Variants in CTNND2 observed in about 807,000 individuals in gnomAD.
The protein encoded by CTNND2 is catenin delta-2.
Under a neutral mutation model 144.4 loss-of-function variants are expected in CTNND2, and 22 were observed. The ratio of observed to expected loss-of-function variants is 0.15; its 90% CI spans 0.11 to 0.22. The LOEUF (loss-of-function observed/expected upper bound fraction) is 0.22, where lower values mean the gene tolerates loss of function less well. Among genes scored for constraint, CTNND2 ranks in the 10% least tolerant of loss-of-function variants. CTNND2 has a pLI of 1.00. For missense variants in CTNND2, 1,353 were observed against 1,618.8 expected, an observed-to-expected ratio of 0.84 and a Z score of 2.82; for synonymous variants, 751 against 695.6, an observed-to-expected ratio of 1.08 and a Z score of -1.25.
intron 1 of CTNND2, among the ~76,000 whole-genome samples, chr5:11,777,564 C>T (rs1790324287): frequency 6.6e-6 from 1 of 152,162 alleles, no homozygotes; most frequent in East Asian, 1.9e-4. Context: ...TGCAGAAAAG[C>T]ACCACTCCTG....
chr5:11,451,445 A>G (rs999338019), intron 3 of CTNND2, among the ~76,000 whole-genome samples: 3 of 152,220 alleles, frequency 2.0e-5, no homozygotes, highest in Admixed American at 1.3e-4. Context: ...TAAGTAATAC[A>G]GATCAAGCAT....
At chr5:11,006,345 CGTGATGGAGATCTAGCCAAT>C (rs1554021762) in intron 18 of CTNND2, among the ~76,000 whole-genome samples, 2 of 152,192 alleles carry the variant, frequency 1.3e-5, no homozygotes, top group Non-Finnish European at 2.9e-5. Flanking sequence ...TTCACACCCA[CGTGATGGAGATCTAGCCAAT>C]GGAGGTGAGG....
chr5:11,015,296 T>C (rs1320976542), intron 18 of CTNND2, among the ~76,000 whole-genome samples: 3 of 152,248 alleles, frequency 2.0e-5, no homozygotes, highest in Non-Finnish European at 4.4e-5. Context: ...TTTTGAGCTT[T>C]GCTATTAGCA....
chr5:11,098,307 A>G (rs1751558752), intron 15 of CTNND2, among the ~76,000 whole-genome samples: 1 of 152,104 alleles, frequency 6.6e-6, no homozygotes, highest in Non-Finnish European at 1.5e-5. Flanking sequence ...CTACAAGAAT[A>G]GAATGAAAAA....
At chr5:11,451,125 G>A (rs1022135666) in intron 3 of CTNND2, among the ~76,000 whole-genome samples, 1 of 151,516 alleles carries the variant, frequency 6.6e-6, no homozygotes, top group Admixed American at 6.6e-5. Flanking sequence ...ACAACCAAAG[G>A]TATATATATA....
At chr5:11,058,682 T>C (rs915528447) in intron 16 of CTNND2, among the ~76,000 whole-genome samples, 3 of 152,240 alleles carry the variant, frequency 2.0e-5, no homozygotes, top group African/African-American at 7.2e-5. Flanking sequence ...GACACCAGAA[T>C]GGTAGATCCA....
intron 1 of CTNND2, among the ~76,000 whole-genome samples, chr5:11,822,647 T>G (rs1793377617): frequency 6.6e-6 from 1 of 152,106 alleles, no homozygotes; most frequent in Non-Finnish European, 1.5e-5. Context: ...CCCTCTCTAG[T>G]GCTGTTTGAC....
intron 9 of CTNND2, among the ~76,000 whole-genome samples, chr5:11,312,156 C>G (rs1333113714): frequency 6.9e-6 from 1 of 144,568 alleles, no homozygotes; most frequent in Non-Finnish European, 1.5e-5. Flanking sequence ...CACACACACA[C>G]TCCCCATACA....
intron 10 of CTNND2, among the ~76,000 whole-genome samples, chr5:11,223,342 C>A (rs777630017): frequency 6.6e-6 from 1 of 152,170 alleles, no homozygotes; most frequent in Non-Finnish European, 1.5e-5. Context: ...CCACTGTACT[C>A]CAGCAGCCCA....
chr5:11,890,940 A>G (rs1237250064), intron 1 of CTNND2, among the ~76,000 whole-genome samples: 1 of 152,176 alleles, frequency 6.6e-6, no homozygotes, highest in African/African-American at 2.4e-5. Flanking sequence ...TTATAAGCTA[A>G]GGCAAGATGT....
At chr5:11,558,558 T>TG (rs1468477673) in intron 3 of CTNND2, among the ~76,000 whole-genome samples, 3 of 151,972 alleles carry the variant, frequency 2.0e-5, no homozygotes, top group African/African-American at 7.2e-5. Flanking sequence ...TTTGTAGAGA[T>TG]GGAGTTTCAC....
rs186191282 is a variant in CTNND2 at position 11,433,246 on chromosome 5, A to T, written c.288-21177T>A. ...GGGCAACAGAGCAAGACTCTGTCTC[A>T]CACACACAAAAAAAAATTATTTACT... On this transcript the variant is annotated intron_variant, in intron 3 of 21. Transcript: ENST00000304623. Among the ~76,000 whole-genome samples, 6 of 151,868 alleles carry T rather than the reference A, an allele frequency of 4.0e-5. No homozygotes were observed. In the East Asian group the frequency reaches 1.2e-3, roughly 29 times the overall value.
chr5:11,223,134 T>C (rs570680212), intron 10 of CTNND2, among the ~76,000 whole-genome samples: 1 of 152,328 alleles, frequency 6.6e-6, no homozygotes, highest in African/African-American at 2.4e-5. Context: ...CTTTGCATCT[T>C]TGGCCCTACA....
chr5:11,725,592 T>G (rs1164733052), intron 2 of CTNND2, among the ~76,000 whole-genome samples: 3 of 152,130 alleles, frequency 2.0e-5, no homozygotes, highest in Non-Finnish European at 4.4e-5. Flanking sequence ...GATGAGGTTG[T>G]GTAGTGTAGT....
At chr5:11,069,124 CA>C (rs1747949770) in intron 16 of CTNND2, among the ~76,000 whole-genome samples, 1 of 152,058 alleles carries the variant, frequency 6.6e-6, no homozygotes, top group African/African-American at 2.4e-5. Context: ...AAAAGAAGCA[CA>C]AAAAGTAAAA....
At chr5:11,413,398 CA>C (rs1201473719) in intron 3 of CTNND2, among the ~76,000 whole-genome samples, 1 of 152,072 alleles carries the variant, frequency 6.6e-6, no homozygotes, top group Non-Finnish European at 1.5e-5. Context: ...ATCACCAATT[CA>C]AAAATCAGAA....
intron 2 of CTNND2, among the ~76,000 whole-genome samples, chr5:11,588,172 A>G (rs1383434196): frequency 6.6e-6 from 1 of 152,198 alleles, no homozygotes; most frequent in East Asian, 1.9e-4. Context: ...CCAAAAAGAG[A>G]AAGCTATGCA....
intron 13 of CTNND2, 134 bp downstream of exon 13, chr5:11,117,316 T>C: frequency 1.4e-6 from 1 of 705,418 alleles, no homozygotes; most frequent in South Asian, 1.7e-5. Flanking sequence ...GTTGGATTCT[T>C]ATAAGGAAAC....
chr5:11,266,000 A>G (rs1745404199), intron 9 of CTNND2, among the ~76,000 whole-genome samples: 2 of 152,094 alleles, frequency 1.3e-5, no homozygotes, highest in East Asian at 3.9e-4. Context: ...GTGAGCCACC[A>G]GGCCTGGTCA....
Sources: gnomAD v4.1 joint callset for allele counts (sites outside exome capture counted in the v4.1 genomes callset) on GRCh38, gnomAD v4.1.1 for gene constraint, MANE v1.5 for transcripts, NCBI Gene and HGNC (gene_info 2026-07-23, HGNC 2026-07-21) for gene names.